Variants in SLC9A9 observed in about 807,000 individuals in gnomAD.
SLC9A9 encodes sodium/hydrogen exchanger 9.
In SLC9A9, 62 loss-of-function variants were observed where a neutral mutation model predicts 77.8. That is an observed-to-expected ratio of 0.80 (90% CI 0.65 to 0.98). SLC9A9 has a LOEUF of 0.98. Among genes scored for constraint, SLC9A9 ranks in the 50% least tolerant of loss-of-function variants. The pLI is 0.00. For synonymous variants in SLC9A9, 320 were observed against 283.5 expected (o/e 1.13, Z -1.29); for missense variants, 775 against 774.9 (o/e 1.00, Z 0.00).
At chr3:143,564,693 A>G (rs2037140097) in intron 8 of SLC9A9, among the ~76,000 whole-genome samples, 1 of 152,194 alleles carries the variant, frequency 6.6e-6, no homozygotes, top group South Asian at 2.1e-4. Context: ...TGGCAACTCC[A>G]TAGTTGGCAG....
chr3:143,670,521 C>T (rs1464433423), intron 5 of SLC9A9, among the ~76,000 whole-genome samples: 4 of 152,142 alleles, frequency 2.6e-5, no homozygotes, highest in South Asian at 4.1e-4. Context: ...GTATCTGAGC[C>T]CAGGGAGACC....
intron 5 of SLC9A9, among the ~76,000 whole-genome samples, chr3:143,663,113 T>C (rs900805604): frequency 6.6e-6 from 1 of 152,166 alleles, no homozygotes; most frequent in Non-Finnish European, 1.5e-5. Context: ...GGTAGCAACT[T>C]TGGCTGTTCG....
At chr3:143,676,734 T>TCAAACAAA (rs111553158) in intron 5 of SLC9A9, among the ~76,000 whole-genome samples, 9 of 151,736 alleles carry the variant, frequency 5.9e-5, no homozygotes, top group African/African-American at 1.7e-4. Context: ...AGACTCCTTC[T>TCAAACAAA]CAAACAAACA....
intron 6 of SLC9A9, among the ~76,000 whole-genome samples, chr3:143,616,146 G>A (rs1162498784): frequency 6.6e-6 from 1 of 152,140 alleles, no homozygotes; most frequent in African/African-American, 2.4e-5. Flanking sequence ...GCCTCCCAAA[G>A]TGCTGGGATT....
intron 9 of SLC9A9, among the ~76,000 whole-genome samples, chr3:143,513,540 T>C (rs2036152936): frequency 6.6e-6 from 1 of 152,230 alleles, no homozygotes; most frequent in African/African-American, 2.4e-5. Context: ...AATGTTGATA[T>C]TTTGACCTCC....
At chr3:143,729,669 C>T (rs1934751897) in intron 4 of SLC9A9, among the ~76,000 whole-genome samples, 1 of 152,170 alleles carries the variant, frequency 6.6e-6, no homozygotes, top group Non-Finnish European at 1.5e-5. Context: ...TCCTTCATCA[C>T]CCCAGGCTGC....
intron 14 of SLC9A9, among the ~76,000 whole-genome samples, chr3:143,285,526 C>T (rs1043479578): frequency 2.6e-5 from 4 of 152,186 alleles, no homozygotes; most frequent in African/African-American, 9.7e-5. Context: ...CTAACATGCC[C>T]CCTCTTTAAC....
chr3:143,453,114 A>G (rs113438727), intron 12 of SLC9A9, among the ~76,000 whole-genome samples: 101 of 152,160 alleles, frequency 6.6e-4, no homozygotes, highest in African/African-American at 2.4e-3. Context: ...ATTAGGTTGA[A>G]CCATACGAAA....
intron 8 of SLC9A9, among the ~76,000 whole-genome samples, chr3:143,561,378 T>C (rs892491916): frequency 1.3e-5 from 2 of 152,076 alleles, no homozygotes; most frequent in Non-Finnish European, 2.9e-5. Context: ...AATAAGTAGA[T>C]TATTTACCTC....
At chr3:143,485,126 A>G (rs1024394281) in intron 11 of SLC9A9, among the ~76,000 whole-genome samples, 1 of 152,214 alleles carries the variant, frequency 6.6e-6, no homozygotes, top group African/African-American at 2.4e-5. Context: ...AGCTGTGCCA[A>G]GTGTTCCTGG....
intron 14 of SLC9A9, among the ~76,000 whole-genome samples, chr3:143,329,596 T>TC (rs1213758957): frequency 6.6e-6 from 1 of 152,208 alleles, no homozygotes; most frequent in African/African-American, 2.4e-5. Context: ...CGCGTGCTGC[T>TC]CCTCATGGGC....
At chr3:143,434,951 T>C (rs1344553623) in intron 12 of SLC9A9, among the ~76,000 whole-genome samples, 1 of 152,158 alleles carries the variant, frequency 6.6e-6, no homozygotes, top group Non-Finnish European at 1.5e-5. Flanking sequence ...CATTTTAACC[T>C]ATTCCCTGGT....
At chr3:143,533,800 T>C (rs1034070665) in intron 9 of SLC9A9, among the ~76,000 whole-genome samples, 4 of 152,228 alleles carry the variant, frequency 2.6e-5, no homozygotes, top group Admixed American at 6.5e-5. Context: ...GGGGAACATT[T>C]ATGAAAAGCT....
chr3:143,346,346 C>G (rs1375217491), intron 14 of SLC9A9, among the ~76,000 whole-genome samples: 1 of 152,182 alleles, frequency 6.6e-6, no homozygotes, highest in African/African-American at 2.4e-5. Context: ...TCCCATTATT[C>G]TTAATGAAAT....
intron 2 of SLC9A9, among the ~76,000 whole-genome samples, chr3:143,809,257 C>T (rs1267467096): frequency 1.3e-5 from 2 of 152,200 alleles, no homozygotes; most frequent in African/African-American, 4.8e-5. Context: ...TCAACCAGAA[C>T]ATTTCAATAA....
In SLC9A9 at chr3:143,393,607, G is replaced by C. The variant is rs1352876054; in HGVS notation, c.1470-11493C>G. Among the ~76,000 whole-genome samples, 3 of 152,082 alleles carry C rather than the reference G, an allele frequency of 2.0e-5. No individual in the cohort carries two copies. The East Asian group carries it at 5.8e-4, about 29-fold the overall frequency. On this transcript the variant is annotated intron_variant, in intron 12 of 15. Transcript: ENST00000316549. ...GCAAGAAATAACTAAGATCAGAGCA[G>C]AAATGAAGGAAATAGAGACATAAAA...
intron 4 of SLC9A9, among the ~76,000 whole-genome samples, chr3:143,770,061 T>C (rs79961030): frequency 0.022 from 3,397 of 152,286 alleles, 53 homozygotes; most frequent in Non-Finnish European, 0.037. Context: ...GCTTATACCA[T>C]TTCATATTTC....
chr3:143,341,035 C>A (rs1180639005), intron 14 of SLC9A9, among the ~76,000 whole-genome samples: 1 of 152,162 alleles, frequency 6.6e-6, no homozygotes, highest in Non-Finnish European at 1.5e-5. Flanking sequence ...CTAAAGAAAT[C>A]TTTAAAATTT....
At chr3:143,496,913 A>C (rs1026105817) in intron 9 of SLC9A9, among the ~76,000 whole-genome samples, 4 of 152,154 alleles carry the variant, frequency 2.6e-5, no homozygotes, top group African/African-American at 9.7e-5. Context: ...TTTGGTGCTG[A>C]TGAGAGTCCT....
Sources: allele counts gnomAD v4.1 joint callset (sites outside exome capture counted in the v4.1 genomes callset), GRCh38; gene constraint gnomAD v4.1.1; transcripts MANE v1.5; gene names NCBI Gene and HGNC (gene_info 2026-07-23, HGNC 2026-07-21).